Variants in SNTG1 observed in about 807,000 individuals in gnomAD.
SNTG1 encodes gamma-1-syntrophin.
A neutral mutation model predicts 74.7 loss-of-function variants in SNTG1; 39 were observed. That is an observed-to-expected ratio of 0.52 (90% CI 0.40 to 0.68). The LOEUF (loss-of-function observed/expected upper bound fraction) is 0.68, where lower values mean the gene tolerates loss of function less well. Ranked by LOEUF, SNTG1 falls within the 30% of genes least tolerant of loss-of-function variation. SNTG1 has a pLI of 0.00. For missense variants in SNTG1, 685 were observed against 609.5 expected (o/e 1.12, Z -1.30); for synonymous variants, 254 against 217.1 (o/e 1.17, Z -1.49).
At chr8:50,187,606 C>T (rs1340756443) in intron 2 of SNTG1, among the ~76,000 whole-genome samples, 1 of 152,106 alleles carries the variant, frequency 6.6e-6, no homozygotes, top group Admixed American at 6.6e-5. Context: ...TGCACAAACC[C>T]ATACATATAT....
intron 3 of SNTG1, 101 bp downstream of exon 3, chr8:50,394,366 A>T (rs1376935004): frequency 8.3e-7 from 1 of 1,205,430 alleles, no homozygotes; most frequent in Non-Finnish European, 1.2e-6. Flanking sequence ...TTGGCAGAAA[A>T]TGGAGAGAGG....
intron 15 of SNTG1, among the ~76,000 whole-genome samples, chr8:50,697,148 A>G (rs972736340): frequency 6.6e-6 from 1 of 151,970 alleles, no homozygotes; most frequent in Non-Finnish European, 1.5e-5. Context: ...TTTCTGGTAG[A>G]GCTCTTTTAC....
chr8:50,696,386 G>A (rs1009811382), intron 15 of SNTG1, among the ~76,000 whole-genome samples: 26 of 151,838 alleles, frequency 1.7e-4, no homozygotes, highest in Non-Finnish European at 3.1e-4. Flanking sequence ...TTAGTTGCAT[G>A]GCTTGAAAAT....
At chr8:50,778,122 T>C (rs1214949961) in intron 18 of SNTG1, among the ~76,000 whole-genome samples, 1 of 152,216 alleles carries the variant, frequency 6.6e-6, no homozygotes, top group East Asian at 1.9e-4. Flanking sequence ...TTTGGGTTGC[T>C]TCCAAGTGTT....
chr8:50,346,894 GAGA>G (rs1375992537), intron 2 of SNTG1, among the ~76,000 whole-genome samples: 2 of 152,242 alleles, frequency 1.3e-5, no homozygotes, highest in African/African-American at 4.8e-5. Context: ...AGCTGCAGAA[GAGA>G]AGGTTGAAGT....
chr8:50,561,134 T>TGTTCTCATGATAGTGAGTGA (rs1384598945), intron 12 of SNTG1, among the ~76,000 whole-genome samples: 10 of 152,146 alleles, frequency 6.6e-5, no homozygotes, highest in Admixed American at 2.6e-4. Context: ...TCCCCCATGC[T>TGTTCTCATGATAGTGAGTGA]GTTCTCATGA....
chr8:49,958,269 G>A (rs553195728), intron 1 of SNTG1, among the ~76,000 whole-genome samples: 32 of 152,272 alleles, frequency 2.1e-4, no homozygotes, highest in African/African-American at 7.7e-4. Context: ...CCAGCAGGGA[G>A]GCACATACCT....
chr8:50,075,869 C>T (rs1039080923), intron 1 of SNTG1, among the ~76,000 whole-genome samples: 1 of 152,078 alleles, frequency 6.6e-6, no homozygotes, highest in African/African-American at 2.4e-5. Flanking sequence ...AGGAACCCAC[C>T]AGAAGGAAGA....
intron 17 of SNTG1, among the ~76,000 whole-genome samples, chr8:50,735,243 A>C (rs186922666): frequency 1.3e-3 from 201 of 151,942 alleles, no homozygotes; most frequent in Non-Finnish European, 2.5e-3. Context: ...TTAAAAGAGA[A>C]TTGTTGAGAA....
intron 18 of SNTG1, among the ~76,000 whole-genome samples, chr8:50,764,226 C>T (rs754987187): frequency 6.6e-6 from 1 of 151,756 alleles, no homozygotes; most frequent in Non-Finnish European, 1.5e-5. Context: ...GATTTGCCTC[C>T]ATAAGCTCAG....
At chr8:50,495,910 C>T (rs542385553) in intron 8 of SNTG1, among the ~76,000 whole-genome samples, 16 of 152,258 alleles carry the variant, frequency 1.1e-4, no homozygotes, top group African/African-American at 3.4e-4. Flanking sequence ...TTTACATTAC[C>T]GTTTCAACCA....
chr8:50,271,603 G>T (rs896847074), intron 2 of SNTG1, among the ~76,000 whole-genome samples: 2 of 152,006 alleles, frequency 1.3e-5, no homozygotes, highest in Non-Finnish European at 1.5e-5. Context: ...AAATTATCAG[G>T]CAAAAAATTA....
At position 49,951,317 on chromosome 8, in the gene SNTG1, C is replaced by T. The variant is rs185105946; in HGVS notation, c.-103+39086C>T. ...AATAATCAGTGTTATTAAGACAATG[C>T]CTAGTGGCATTTGGTTACAATATCT... is the stretch of plus-strand genomic sequence containing the variant. On this transcript the variant is annotated intron_variant, in intron 1 of 18. Transcript: ENST00000642720. Among the ~76,000 whole-genome samples, 423 of 152,196 alleles carry T rather than the reference C, an allele frequency of 2.8e-3. 5 individuals are homozygous for T. Among genetic ancestry groups the T allele is most frequent in the Non-Finnish European group, 2.9e-3 (197 of 68,014 alleles).
intron 13 of SNTG1, among the ~76,000 whole-genome samples, chr8:50,618,211 G>A (rs1284766690): frequency 1.3e-5 from 2 of 152,134 alleles, no homozygotes; most frequent in Admixed American, 6.5e-5. Context: ...CACTACCACA[G>A]CAATGACAAA....
In SNTG1 at chr8:50,123,512, T is replaced by G. The variant is rs760139403; in HGVS notation, c.-102-49049T>G. 2.2e-4 allele frequency among the ~76,000 whole-genome samples: 32 copies of G among 142,560 alleles called. 6 individuals carry two copies. The highest frequency in any genetic ancestry group is 4.4e-4 in the Non-Finnish European group (28 of 63,914). The allele number at this position is 142,560 out of a possible 152,430, so 93.5% of individuals were successfully genotyped here. A position where few individuals can be genotyped will look rare whatever the true frequency, so the allele number is the denominator to read the frequency against. On this transcript the variant is annotated intron_variant, in intron 1 of 18. Transcript: ENST00000642720. ...AAAGAGATCAGGCATTTAGAACATC[T>G]TTACATTAAGAAAGCAAGAGTATGG... is the stretch of plus-strand genomic sequence containing the variant.
In SNTG1 at chr8:49,976,050, A is replaced by G. The variant is rs188352915; in HGVS notation, c.-103+63819A>G. Among the ~76,000 whole-genome samples, 544 of 152,152 alleles carry G rather than the reference A, an allele frequency of 3.6e-3. 3 individuals are homozygous for G. The highest frequency in any genetic ancestry group is 0.012 in the African/African-American group (519 of 41,540). ...AACTGTGATAGAGAAAGAATTGGAA[A>G]GAAGACCTACTGTCATTCTTGGCAA... On this transcript the variant is annotated intron_variant, in intron 1 of 18. Transcript: ENST00000642720.
At chr8:50,552,979 A>G (rs764571780) in intron 11 of SNTG1, 71 bp from the exon 12 acceptor site, 61 of 1,562,106 alleles carry the variant, frequency 3.9e-5, no homozygotes, top group Non-Finnish European at 3.6e-5. Context: ...GCTTTTCAAC[A>G]GATACTATTA....
chr8:50,076,222 T>C (rs1467116574), intron 1 of SNTG1, among the ~76,000 whole-genome samples: 1 of 152,188 alleles, frequency 6.6e-6, no homozygotes, highest in African/African-American at 2.4e-5. Context: ...GCTAATTTAG[T>C]TGAGGTCAAG....
chr8:50,080,772 T>A (rs1822331205), intron 1 of SNTG1, among the ~76,000 whole-genome samples: 2 of 152,164 alleles, frequency 1.3e-5, no homozygotes, highest in African/African-American at 4.8e-5. Context: ...AATGAGGAAC[T>A]AAGTCTGTTT....
Sources: gnomAD v4.1 joint callset for allele counts (sites outside exome capture counted in the v4.1 genomes callset) on GRCh38, gnomAD v4.1.1 for gene constraint, MANE v1.5 for transcripts, NCBI Gene and HGNC (gene_info 2026-07-23, HGNC 2026-07-21) for gene names.